Variants in JAKMIP2 observed in about 807,000 individuals in gnomAD.
The protein encoded by JAKMIP2 is janus kinase and microtubule interacting protein 2.
JAKMIP2 carries 25 observed loss-of-function variants against 115.0 expected under a neutral mutation model. The observed-to-expected ratio is 0.22, with a 90% CI of 0.16 to 0.30. JAKMIP2 has a LOEUF of 0.30. Among genes scored for constraint, JAKMIP2 ranks in the 10% least tolerant of loss-of-function variants. The pLI is 1.00. For synonymous variants in JAKMIP2, 334 were observed against 343.6 expected (o/e 0.97, Z 0.31); for missense variants, 642 against 957.6 (o/e 0.67, Z 4.35).
intron 3 of JAKMIP2, among the ~76,000 whole-genome samples, chr5:147,656,040 T>C (rs1225074701): frequency 6.6e-6 from 1 of 152,246 alleles, no homozygotes; most frequent in Non-Finnish European, 1.5e-5. Flanking sequence ...CTAATTTCAT[T>C]GCACTGTGGT....
chr5:147,607,956 T>C (rs1029667449), intron 20 of JAKMIP2, among the ~76,000 whole-genome samples: 11 of 152,308 alleles, frequency 7.2e-5, no homozygotes, highest in African/African-American at 2.6e-4. Flanking sequence ...TCTATTTATT[T>C]GCATAGAGGT....
At chr5:147,750,561 T>TACACAC (rs151015424) in intron 1 of JAKMIP2, among the ~76,000 whole-genome samples, 6,845 of 142,854 alleles carry the variant, frequency 0.048, 163 homozygotes, top group Middle Eastern at 0.1. Context: ...TGCCAGAAAA[T>TACACAC]ACACACACAC....
intron 1 of JAKMIP2, among the ~76,000 whole-genome samples, chr5:147,775,250 A>G (rs1216051559): frequency 3.0e-4 from 46 of 152,170 alleles, no homozygotes; most frequent in Admixed American, 3.0e-3. Flanking sequence ...TGAAAGCAGG[A>G]TGCTGCCTTA....
At chr5:147,702,530 GGA>G (rs1216667663) in intron 1 of JAKMIP2, among the ~76,000 whole-genome samples, 7 of 137,124 alleles carry the variant, frequency 5.1e-5, no homozygotes, top group East Asian at 4.2e-4. Flanking sequence ...AAGGAGGGAG[GGA>G]GAGAGAGAGA....
chr5:147,758,749 T>C (rs1580886681), intron 1 of JAKMIP2, among the ~76,000 whole-genome samples: 1 of 152,092 alleles, frequency 6.6e-6, no homozygotes, highest in African/African-American at 2.4e-5. Flanking sequence ...CATGACCAGC[T>C]AAAAGAGTTT....
rs766985711 is a variant in JAKMIP2 at position 147,661,457 on chromosome 5, G to A, written c.130-12C>T. 6.2e-7 allele frequency: 1 copy of A among 1,600,326 alleles called. No individual in the cohort carries two copies. The highest frequency in any genetic ancestry group is 2.2e-5 in the East Asian group (1 of 44,742). On this transcript the variant is annotated splice_polypyrimidine_tract_variant and intron_variant, in intron 2 of 21. Transcript: ENST00000616793. ...TCAAGCTTTGATACCTAAAAACAGAGAGGCGAAATGATGAAGAGAAATGAG... is the reference window on the plus strand; with the variant it reads ...TCAAGCTTTGATACCTAAAAACAGAAAGGCGAAATGATGAAGAGAAATGAG...
chr5:147,635,928 T>C (rs1171407725), intron 12 of JAKMIP2, among the ~76,000 whole-genome samples: 13 of 151,224 alleles, frequency 8.6e-5, no homozygotes, highest in Admixed American at 6.6e-4. Flanking sequence ...CGTGTATGTA[T>C]ATATATATGT....
chr5:147,659,172 G>A (rs1165363724), intron 3 of JAKMIP2, among the ~76,000 whole-genome samples: 8 of 152,136 alleles, frequency 5.3e-5, no homozygotes. Context: ...GGGCCCTGGT[G>A]GTGTAGGCTC....
chr5:147,640,615 G>C (rs927593049), intron 9 of JAKMIP2, 89 bp downstream of exon 9: 78 of 1,360,170 alleles, frequency 5.7e-5, no homozygotes, highest in Admixed American at 7.5e-5. Flanking sequence ...TTATATAAAG[G>C]AGATGAAAAG....
intron 2 of JAKMIP2, among the ~76,000 whole-genome samples, chr5:147,666,580 C>G (rs73270118): frequency 0.032 from 4,936 of 152,234 alleles, 292 homozygotes; most frequent in African/African-American, 0.11. Flanking sequence ...TGTTTCATCA[C>G]AAGTTGTGAT....
At chr5:147,711,410 G>C (rs1752774994) in intron 1 of JAKMIP2, among the ~76,000 whole-genome samples, 1 of 152,132 alleles carries the variant, frequency 6.6e-6, no homozygotes, top group African/African-American at 2.4e-5. Flanking sequence ...TACAGGGATA[G>C]GTTTATTTTC....
chr5:147,655,876 A>T (rs910826723), intron 3 of JAKMIP2, among the ~76,000 whole-genome samples: 3 of 152,286 alleles, frequency 2.0e-5, no homozygotes, highest in Admixed American at 1.3e-4. Context: ...TGTATCCCAG[A>T]GATTCTGGTA....
chr5:147,617,666 G>T (rs940069560), intron 19 of JAKMIP2, among the ~76,000 whole-genome samples: 1 of 152,180 alleles, frequency 6.6e-6, no homozygotes, highest in Non-Finnish European at 1.5e-5. Flanking sequence ...TCATGAAAAC[G>T]TAGTTCTAAA....
chr5:147,659,612 C>A lies in JAKMIP2; in HGVS notation c.627+1336G>T, dbSNP rs558057426. Among the ~76,000 whole-genome samples, 138 of 152,276 alleles carry A rather than the reference C, an allele frequency of 9.1e-4. 1 individual carries two copies. The highest frequency in any genetic ancestry group is 3.2e-3 in the African/African-American group (135 of 41,548). On this transcript the variant is annotated intron_variant, in intron 3 of 21. Transcript: ENST00000616793. ...ATACTTATAGATTTTATATTGAAAACCATCAACAAATGAAAATATTTAATG... is the reference window on the plus strand; with the variant it reads ...ATACTTATAGATTTTATATTGAAAAACATCAACAAATGAAAATATTTAATG...
intron 1 of JAKMIP2, among the ~76,000 whole-genome samples, chr5:147,727,022 C>A (rs1753547265): frequency 6.6e-6 from 1 of 152,230 alleles, no homozygotes; most frequent in Non-Finnish European, 1.5e-5. Flanking sequence ...GGCCTGGGTT[C>A]AGGGTTCAAT....
chr5:147,593,093 T>C (rs1162367782), intron 21 of JAKMIP2, among the ~76,000 whole-genome samples: 1 of 152,194 alleles, frequency 6.6e-6, no homozygotes, highest in Non-Finnish European at 1.5e-5. Flanking sequence ...TTTCTCATCT[T>C]CCCTTGCTTA....
chr5:147,629,892 A>G, intron 14 of JAKMIP2, 146 bp from the exon 15 acceptor site: 3 of 629,698 alleles, frequency 4.8e-6, no homozygotes, highest in South Asian at 4.2e-5. Flanking sequence ...TTAAGTTTCA[A>G]TTTTGCTTCT....
At chr5:147,628,317 G>A (rs1004969852) in intron 16 of JAKMIP2, among the ~76,000 whole-genome samples, 1 of 152,108 alleles carries the variant, frequency 6.6e-6, no homozygotes, top group African/African-American at 2.4e-5. Flanking sequence ...CGGACTTTCT[G>A]AATGAGAAGG....
chr5:147,628,752 T>A lies in JAKMIP2; in HGVS notation c.1994A>T (p.Lys665Met). Reference sequence around the variant, plus strand: ...TGAAATGTTTGTACGGCTCATTACCTTCTCTGCCAGGGACAGCACAGTGCT... The same window carrying A: ...TGAAATGTTTGTACGGCTCATTACCATCTCTGCCAGGGACAGCACAGTGCT... ...QASTVLSLAE[K>M]WIQQIEGAEA... is the part of the protein sequence containing the mutation. The change falls in exon 16 of 22, where the codon AAG (lysine) becomes ATG (methionine). Residue 665 changes from lysine to methionine, a missense_variant and splice_region_variant. Around this residue, in one of 6 missense-constraint regions of JAKMIP2, gnomAD observed 68 missense variants for 104.6 expected, o/e 0.65. Coordinates refer to ENST00000616793, the MANE Select transcript of JAKMIP2 (RefSeq NM_001270941.2). 1 of 1,611,866 alleles carries A rather than the reference T, an allele frequency of 6.2e-7. No homozygotes were observed.
Sources: allele counts gnomAD v4.1 joint callset (sites outside exome capture counted in the v4.1 genomes callset), GRCh38; gene constraint gnomAD v4.1.1; regional missense constraint gnomAD v4.1.1; transcripts MANE v1.5; gene names NCBI Gene and HGNC (gene_info 2026-07-23, HGNC 2026-07-21).